The following RAD51B variants were observed in gnomAD, a reference collection of about 807,000 sequenced individuals.
RAD51B encodes RAD51 paralog B, also known as DNA repair protein RAD51 homolog 2.
A neutral mutation model predicts 42.2 loss-of-function variants in RAD51B; 38 were observed. That is an observed-to-expected ratio of 0.90 (90% confidence interval 0.70 to 1.18). The LOEUF is 1.18. Among genes scored for constraint, RAD51B ranks in the 50% most tolerant of loss-of-function variants. The probability of loss-of-function intolerance (pLI) is 0.00; values close to 1 mark genes in which losing one functional copy is unlikely to be tolerated. For synonymous variants in RAD51B, 154 were observed against 145.2 expected (o/e 1.06, Z -0.43); for missense variants, 373 against 400.7 (o/e 0.93, Z 0.59).
chr14:67,952,916 C>G (rs2140211149), intron 7 of RAD51B, among the ~76,000 whole-genome samples: 1 of 151,542 alleles, frequency 6.6e-6, no homozygotes, highest in Non-Finnish European at 1.5e-5. Flanking sequence ...TAAATGCTTA[C>G]TACTTCTGAA....
chr14:68,151,936 T>G (rs953557292), intron 7 of RAD51B, among the ~76,000 whole-genome samples: 16 of 143,116 alleles, frequency 1.1e-4, no homozygotes, highest in African/African-American at 3.6e-4. Flanking sequence ...CTCCGCCTCC[T>G]GGGTTCAAGT....
intron 7 of RAD51B, among the ~76,000 whole-genome samples, chr14:68,084,526 A>G (rs17104900): frequency 0.06 from 9,202 of 152,228 alleles, 653 homozygotes; most frequent in African/African-American, 0.17. Flanking sequence ...GTGGACATAC[A>G]TGGTGGTCCT....
intron 9 of RAD51B, among the ~76,000 whole-genome samples, chr14:68,463,960 A>G (rs1328681050): frequency 6.6e-6 from 1 of 152,178 alleles, no homozygotes; most frequent in African/African-American, 2.4e-5. Context: ...ATTACATCTC[A>G]CAGCTGACTA....
intron 7 of RAD51B, among the ~76,000 whole-genome samples, chr14:68,276,934 C>T (rs758851872): frequency 5.3e-5 from 8 of 152,112 alleles, no homozygotes; most frequent in Non-Finnish European, 1.2e-4. Context: ...AAAAGGATGT[C>T]GGGGAGCAGG....
At chr14:68,103,269 TAATTA>T (rs1293897600) in intron 7 of RAD51B, among the ~76,000 whole-genome samples, 1 of 152,216 alleles carries the variant, frequency 6.6e-6, no homozygotes, top group Non-Finnish European at 1.5e-5. Context: ...ATTAATAAAA[TAATTA>T]AATGTATTCC....
At chr14:68,328,795 T>C (rs1414957075) in intron 8 of RAD51B, among the ~76,000 whole-genome samples, 1 of 152,110 alleles carries the variant, frequency 6.6e-6, no homozygotes, top group Non-Finnish European at 1.5e-5. Flanking sequence ...TAAGCTAGGG[T>C]CACTAAATTG....
chr14:68,145,584 G>T (rs2078231873), intron 7 of RAD51B, among the ~76,000 whole-genome samples: 1 of 152,112 alleles, frequency 6.6e-6, no homozygotes, highest in Non-Finnish European at 1.5e-5. Flanking sequence ...ACTTAAAATA[G>T]GTATTTCATT....
At chr14:67,882,935 G>A in intron 5 of RAD51B, among the ~76,000 whole-genome samples, 1 of 152,148 alleles carries the variant, frequency 6.6e-6, no homozygotes, top group Non-Finnish European at 1.5e-5. Flanking sequence ...AGTAGAGACG[G>A]GGTTTTGCCA....
chr14:68,405,829 CAAAAAA>C (rs10547910), intron 8 of RAD51B, among the ~76,000 whole-genome samples: 1 of 71,546 alleles, frequency 1.4e-5, no homozygotes, highest in Non-Finnish European at 3.1e-5. Context: ...AGTTTATCAC[CAAAAAA>C]AAAAAAAAAA....
At chr14:67,984,631 C>A (rs2075151702) in intron 7 of RAD51B, among the ~76,000 whole-genome samples, 1 of 152,174 alleles carries the variant, frequency 6.6e-6, no homozygotes, top group Non-Finnish European at 1.5e-5. Flanking sequence ...TCTACCTACT[C>A]TTCTAAGCCC....
chr14:68,596,040 A>C (rs940424984), downstream of RAD51B: 3 of 1,049,718 alleles, frequency 2.9e-6, no homozygotes, highest in South Asian at 9.2e-5. Flanking sequence ...AGATTATCTG[A>C]GAGACCAGCA....
chr14:68,261,353 C>G (rs1158229807), intron 7 of RAD51B, among the ~76,000 whole-genome samples: 1 of 152,158 alleles, frequency 6.6e-6, no homozygotes, highest in Non-Finnish European at 1.5e-5. Flanking sequence ...CAAAGGTTCC[C>G]GGAGCTGTCT....
rs185468345 is a variant in RAD51B at position 67,876,050 on chromosome 14, G to T, written c.453-9819G>T. ...CATTTGTGAATCTAGGTGAATTAGT[G>T]GGGAGGGAGATCCTGAAAAGTTTCT... On this transcript the variant is annotated intron_variant, in intron 5 of 10. Coordinates refer to ENST00000471583, the MANE Select transcript of RAD51B (RefSeq NM_133510.4). Among the ~76,000 whole-genome samples, 10 of 152,198 alleles carry T rather than the reference G, an allele frequency of 6.6e-5. No individual in the cohort carries two copies. The East Asian group carries it at 1.9e-3, about 29-fold the overall frequency.
intron 10 of RAD51B, among the ~76,000 whole-genome samples, chr14:68,519,207 A>G (rs1197799361): frequency 6.6e-6 from 1 of 152,174 alleles, no homozygotes; most frequent in African/African-American, 2.4e-5. Context: ...GGCTATTGTC[A>G]CTCAAAGTAT....
chr14:68,640,090 C>T (rs1892425882), intron 10 of RAD51B, among the ~76,000 whole-genome samples: 1 of 152,202 alleles, frequency 6.6e-6, no homozygotes, highest in Non-Finnish European at 1.5e-5. Context: ...GAGTAAGCCA[C>T]CATGCCCGGC....
intron 7 of RAD51B, among the ~76,000 whole-genome samples, chr14:67,983,286 A>G (rs1158177029): frequency 1.3e-5 from 2 of 152,104 alleles, no homozygotes; most frequent in African/African-American, 4.8e-5. Flanking sequence ...GTAAGCTCAA[A>G]TCTCATTGGT....
At chr14:67,842,459 A>G (rs1307680879) in intron 4 of RAD51B, among the ~76,000 whole-genome samples, 1 of 152,028 alleles carries the variant, frequency 6.6e-6, no homozygotes, top group African/African-American at 2.4e-5. Context: ...GTTCACTGCA[A>G]CCTCACCTCC....
chr14:68,399,517 A>G (rs965550453), intron 8 of RAD51B, among the ~76,000 whole-genome samples: 3 of 152,276 alleles, frequency 2.0e-5, no homozygotes, highest in East Asian at 1.9e-4. Context: ...TTGGCCTCCC[A>G]AAGTGCCGGG....
chr14:67,888,944 A>G (rs2043141159), intron 7 of RAD51B, among the ~76,000 whole-genome samples: 1 of 152,198 alleles, frequency 6.6e-6, no homozygotes, highest in African/African-American at 2.4e-5. Context: ...CGTGCAAAAT[A>G]AAATTCACTT....
Sources: allele counts gnomAD v4.1 joint callset (sites outside exome capture counted in the v4.1 genomes callset), GRCh38; gene constraint gnomAD v4.1.1; transcripts MANE v1.5; gene names NCBI Gene and HGNC (gene_info 2026-07-23, HGNC 2026-07-21).